The following RPA3 variants were observed in gnomAD, a reference collection of about 807,000 sequenced individuals.
RPA3 encodes the protein replication protein A 14 kDa subunit.
In RPA3, 24 loss-of-function variants were observed where a neutral mutation model predicts 13.7. That is an observed-to-expected ratio of 1.75 (90% CI 1.27 to 2.46). RPA3 has a LOEUF of 2.46. RPA3 is among the 30% of genes most tolerant of loss of function. The pLI is 0.00. For missense variants in RPA3, 183 were observed against 151.0 expected (o/e 1.21, Z -1.11); for synonymous variants, 59 against 51.2 (o/e 1.15, Z -0.65).
Position 7,636,749 on chromosome 7 carries a change from G to C in RPA3, c.*251C>G, listed in dbSNP as rs190158648. The C allele has an allele frequency of 1.6e-4, 59 of 375,230 alleles. No individual in the cohort carries two copies. Among genetic ancestry groups the C allele is most frequent in the South Asian group, 7.2e-4 (16 of 22,338 alleles). 23.2% of individuals were successfully genotyped at this position (375,230 alleles called of 1,614,324 possible). On this transcript the variant is annotated 3_prime_UTR_variant, in exon 8 of 8. Transcript: ENST00000223129. ...CATTTTAGTTTTTATTAATAAAATA[G>C]AAACTTAGACTCGGACAACTGCTTT...
intron 2 of RPA3, among the ~76,000 whole-genome samples, chr7:7,711,320 TG>T (rs1780757495): frequency 6.6e-6 from 1 of 152,224 alleles, no homozygotes; most frequent in South Asian, 2.1e-4. Context: ...ACATGTCTCC[TG>T]GTGCACATAT....
At chr7:7,652,189 G>A (rs1054272344) in intron 4 of RPA3, among the ~76,000 whole-genome samples, 4 of 152,168 alleles carry the variant, frequency 2.6e-5, no homozygotes, top group African/African-American at 9.7e-5. Context: ...TGTGGTTCAT[G>A]CTCCTGTTTT....
At chr7:7,651,491 G>A (rs1049835552) in intron 4 of RPA3, among the ~76,000 whole-genome samples, 9 of 152,178 alleles carry the variant, frequency 5.9e-5, no homozygotes, top group African/African-American at 1.4e-4. Context: ...CTTCTGTCTC[G>A]TATTTTCCTG....
chr7:7,653,067 A>G (rs1484463488), intron 4 of RPA3, among the ~76,000 whole-genome samples: 1 of 152,212 alleles, frequency 6.6e-6, no homozygotes, highest in Non-Finnish European at 1.5e-5. Flanking sequence ...TTAGGACATT[A>G]TTTAGATGTG....
At chr7:7,658,631 T>A (rs887707142) in intron 4 of RPA3, among the ~76,000 whole-genome samples, 1 of 152,228 alleles carries the variant, frequency 6.6e-6, no homozygotes, top group African/African-American at 2.4e-5. Context: ...TTGTGTATGT[T>A]GAACCAGCCT....
At chr7:7,643,105 C>A (rs1024835737) in intron 4 of RPA3, among the ~76,000 whole-genome samples, 1 of 152,080 alleles carries the variant, frequency 6.6e-6, no homozygotes, top group Non-Finnish European at 1.5e-5. Context: ...TGGCAATTAC[C>A]GAATTTGCTT....
chr7:7,676,840 A>G (rs1467675061), intron 4 of RPA3, among the ~76,000 whole-genome samples: 1 of 152,192 alleles, frequency 6.6e-6, no homozygotes, highest in Non-Finnish European at 1.5e-5. Flanking sequence ...TTGACAGATT[A>G]TTAGGAATAT....
At chr7:7,709,977 A>G (rs755640457) in intron 2 of RPA3, among the ~76,000 whole-genome samples, 18 of 152,126 alleles carry the variant, frequency 1.2e-4, no homozygotes, top group Non-Finnish European at 2.1e-4. Flanking sequence ...TAGTGTTAAC[A>G]TATTTTTCAT....
At chr7:7,646,896 G>A (rs1157452773) in intron 4 of RPA3, among the ~76,000 whole-genome samples, 1 of 152,052 alleles carries the variant, frequency 6.6e-6, no homozygotes, top group East Asian at 1.9e-4. Flanking sequence ...TGACATATTG[G>A]GCCAAAAGGC....
At position 7,654,037 on chromosome 7, in the gene RPA3, T is replaced by G. The variant is rs565268363; in HGVS notation, c.-757-12862A>C. Among the ~76,000 whole-genome samples the G allele has an allele frequency of 5.9e-5, 9 of 152,324 alleles. No homozygotes were observed. In the East Asian group the frequency reaches 1.7e-3, roughly 29 times the overall value. ...GAGACTTTATTATTCCGTTCTGTTT[T>G]TCATATTGTGAATAAGAAGCAGTAG... On this transcript the variant is annotated intron_variant, in intron 4 of 7. Coordinates refer to ENST00000223129, the MANE Select transcript of RPA3 (RefSeq NM_002947.5).
At chr7:7,658,912 T>C (rs1785408524) in intron 4 of RPA3, among the ~76,000 whole-genome samples, 1 of 152,320 alleles carries the variant, frequency 6.6e-6, no homozygotes, top group South Asian at 2.1e-4. Flanking sequence ...CTGGTAGAAT[T>C]TGGCTGTGAA....
At chr7:7,691,542 G>C (rs916463311) in intron 2 of RPA3, among the ~76,000 whole-genome samples, 10 of 152,200 alleles carry the variant, frequency 6.6e-5, no homozygotes, top group Admixed American at 3.9e-4. Context: ...ACATTTCGAA[G>C]GAGAAGATGG....
Position 7,676,055 on chromosome 7 carries a change from G to A in RPA3, c.-758+9775C>T, listed in dbSNP as rs1779730253. ...TCATGTCTCAGCTCTTACTTCCTCT[G>A]TCTTCGTTCTCTTTTCATCATTCAT... is the stretch of plus-strand genomic sequence containing the variant. On this transcript the variant is annotated intron_variant, in intron 4 of 7. Coordinates refer to ENST00000223129, the MANE Select transcript of RPA3 (RefSeq NM_002947.5). 1.5e-5 allele frequency: 6 copies of A among 398,446 alleles called. 1 individual carries two copies. The South Asian group carries it at 7.7e-4, about 51-fold the overall frequency. The allele number at this position is 398,446 out of a possible 1,614,324, so 24.7% of individuals were successfully genotyped here.
At chr7:7,638,655 G>T (rs142349087) in intron 6 of RPA3, 1 of 154,894 alleles carries the variant, frequency 6.5e-6, no homozygotes, top group Admixed American at 6.5e-5. Context: ...CTTGATCTTG[G>T]GAGGCTAAGG....
intron 2 of RPA3, among the ~76,000 whole-genome samples, chr7:7,709,809 T>G (rs1052701414): frequency 6.6e-6 from 1 of 152,140 alleles, no homozygotes; most frequent in Non-Finnish European, 1.5e-5. Context: ...TGAGAACATA[T>G]TCAGAATGAC....
chr7:7,639,414 T>C (rs1335467141), intron 5 of RPA3, among the ~76,000 whole-genome samples: 1 of 152,212 alleles, frequency 6.6e-6, no homozygotes, highest in Non-Finnish European at 1.5e-5. Context: ...AACCCTATTC[T>C]GATAACAAAT....
chr7:7,659,791 G>A (rs1401605601), intron 4 of RPA3, among the ~76,000 whole-genome samples: 1 of 152,160 alleles, frequency 6.6e-6, no homozygotes, highest in Non-Finnish European at 1.5e-5. Context: ...ATTTGGGGTG[G>A]AGTGTTCTGT....
At chr7:7,714,932 G>A (rs17136498) in intron 2 of RPA3, among the ~76,000 whole-genome samples, 7,782 of 150,742 alleles carry the variant, frequency 0.052, 251 homozygotes, top group Middle Eastern at 0.12. Flanking sequence ...CAGAACAGGG[G>A]CACTAGAATT....
intron 4 of RPA3, chr7:7,676,085 TCTTC>T: frequency 2.5e-6 from 1 of 398,636 alleles, no homozygotes. Flanking sequence ...ATTCATCCCC[TCTTC>T]CTTCTTCCGC....
Sources: gnomAD v4.1 joint callset for allele counts (sites outside exome capture counted in the v4.1 genomes callset) on GRCh38, gnomAD v4.1.1 for gene constraint, MANE v1.5 for transcripts, NCBI Gene and HGNC (gene_info 2026-07-23, HGNC 2026-07-21) for gene names.